Variants in OTOF observed in about 807,000 individuals in gnomAD.
The protein encoded by OTOF is otoferlin.
A neutral mutation model predicts 236.8 loss-of-function variants in OTOF; 218 were observed. The ratio of observed to expected loss-of-function variants is 0.92; its 90% CI spans 0.82 to 1.03. OTOF has a LOEUF of 1.03. Among genes scored for constraint, OTOF ranks in the 50% least tolerant of loss-of-function variants. The pLI is 0.00. For missense variants in OTOF, 2,590 were observed against 2,694.4 expected, an observed-to-expected ratio of 0.96 and a Z score of 0.86; for synonymous variants, 1,041 against 1,072.5, an observed-to-expected ratio of 0.97 and a Z score of 0.57.
intron 3 of OTOF, among the ~76,000 whole-genome samples, chr2:26,523,150 T>A (rs987921037): frequency 2.6e-5 from 4 of 152,252 alleles, no homozygotes; most frequent in African/African-American, 9.6e-5. Context: ...GTCCCTGGCA[T>A]CCTTAGCAGG....
At chr2:26,504,592 A>G (rs1392592261) in intron 5 of OTOF, among the ~76,000 whole-genome samples, 1 of 151,768 alleles carries the variant, frequency 6.6e-6, no homozygotes, top group African/African-American at 2.4e-5. Flanking sequence ...CATAGTTCCT[A>G]CCTCTTCCTC....
Position 26,539,590 on chromosome 2 carries a change from C to T in OTOF, c.80-1816G>A, listed in dbSNP as rs1303090552. 2.6e-5 allele frequency among the ~76,000 whole-genome samples: 4 copies of T among 152,256 alleles called. No individual in the cohort carries two copies. The East Asian group carries it at 7.8e-4, about 30-fold the overall frequency. ...GTCTCTACTAAAAATACAAAAATAGCTGGGTGTGGTGGCACATGCCTGTAA... is the reference window on the plus strand; with the variant it reads ...GTCTCTACTAAAAATACAAAAATAGTTGGGTGTGGTGGCACATGCCTGTAA... On this transcript the variant is annotated intron_variant, in intron 1 of 46. Transcript: ENST00000272371.
At chr2:26,508,367 T>C (rs1034323181) in intron 5 of OTOF, among the ~76,000 whole-genome samples, 3 of 152,254 alleles carry the variant, frequency 2.0e-5, no homozygotes, top group African/African-American at 7.2e-5. Context: ...ACAGGTGTCT[T>C]TGAAAGTGTG....
intron 1 of OTOF, among the ~76,000 whole-genome samples, chr2:26,552,371 C>A (rs961577907): frequency 6.6e-6 from 1 of 151,896 alleles, no homozygotes; most frequent in African/African-American, 2.4e-5. Flanking sequence ...GCGTGGGCGA[C>A]AGAAAAAAGA....
intron 2 of OTOF, among the ~76,000 whole-genome samples, chr2:26,537,387 A>G (rs1478739955): frequency 1.3e-5 from 2 of 152,180 alleles, no homozygotes; most frequent in African/African-American, 4.8e-5. Context: ...GGTGGCTCAC[A>G]TTCAGGTCTA....
Position 26,472,668 on chromosome 2 carries a change from GGACA to G in OTOF, c.3734-23_3734-20del, listed in dbSNP as rs753667982. ...AGCCTGACTGGACAGATGGATAGAT[GGACA>G]GACAGGCAGAGGAAGGAGCAAGAGG... On this transcript the variant is annotated intron_variant, in intron 29 of 46. Coordinates refer to ENST00000272371, the MANE Select transcript of OTOF (RefSeq NM_194248.3). 7.4e-6 allele frequency: 12 copies of G among 1,611,696 alleles called. No homozygotes were observed. The highest frequency in any genetic ancestry group is 1.0e-5 in the Non-Finnish European group (12 of 1,179,416).
chr2:26,461,011 C>G lies in OTOF; in HGVS notation c.5553G>C (p.Leu1851=), dbSNP rs747844017. 54 of 1,583,348 alleles carry G rather than the reference C, an allele frequency of 3.4e-5. No homozygotes were observed. The highest frequency in any genetic ancestry group is 1.7e-4 in the Middle Eastern group (1 of 5,926). ...TCTTTGCGCCCCGCGGGAACCGGTT[C>G]AGGTCCAGCTCGATGGCCCCTGTGG... ...DDFLGAIELD[L]NRFPRGAKTA... Residue 1851 remains leucine (L), a synonymous_variant, in exon 44 of 47, where the codon CTG becomes CTC. Transcript: ENST00000272371. This position sits in a 1 kb window ranked among gnomAD's most constrained non-coding sequence, Gnocchi z 6.2.
chr2:26,464,846 G>A (rs200788386), intron 39 of OTOF, 23 bp downstream of exon 39: 19 of 1,597,420 alleles, frequency 1.2e-5, no homozygotes, highest in Middle Eastern at 3.4e-4. Context: ...GGGGGCAGGC[G>A]GCTGCATCCA....
At chr2:26,465,391 G>A (rs1403595595) in intron 38 of OTOF, among the ~76,000 whole-genome samples, 3 of 152,172 alleles carry the variant, frequency 2.0e-5, no homozygotes, top group Non-Finnish European at 4.4e-5. Context: ...GATCCCCAGG[G>A]GACTCTTTCT....
In OTOF at chr2:26,470,692, C is replaced by G. The variant is rs759041936; in HGVS notation, c.3924G>C (p.Lys1308Asn). 6.2e-7 allele frequency: 1 copy of G among 1,613,858 alleles called. No homozygotes were observed. Among genetic ancestry groups the G allele is most frequent in the Non-Finnish European group, 8.5e-7 (1 of 1,179,966 alleles). Residue 1308 changes from lysine (K) to asparagine (N), a missense_variant, in exon 32 of 47, where the codon AAG becomes AAC. Transcript: ENST00000272371. The surrounding 1 kb of genome is among the most constrained non-coding windows in gnomAD (Gnocchi z 4.3). Reference protein sequence around the residue: ...VAEEEKEKKKKKKGTAEEPEE... With the variant: ...VAEEEKEKKKNKKGTAEEPEE... ...CTGGCTCCTCCGCAGTGCCCTTCTT[C>G]TTCTTCTTCTTCTCCTTCTCCTCCT...
Position 26,470,150 on chromosome 2 carries a change from C to T in OTOF, c.4023+443G>A, listed in dbSNP as rs1254878656. The stretch of plus-strand genomic sequence containing the variant: ...CCTTATGGCCTCTGAGAACATGTTT[C>T]TCCTTTTCCACAAAGGTCACCTCCT... On this transcript the variant is annotated intron_variant, in intron 32 of 46. Transcript: ENST00000272371. This position sits in a 1 kb window ranked among gnomAD's most constrained non-coding sequence, Gnocchi z 4.3. 6.6e-6 allele frequency among the ~76,000 whole-genome samples: 1 copy of T among 152,288 alleles called. No individual in the cohort carries two copies. The highest frequency in any genetic ancestry group is 1.9e-4 in the East Asian group (1 of 5,174).
intron 39 of OTOF, among the ~76,000 whole-genome samples, chr2:26,464,583 T>A (rs1664637752): frequency 6.6e-6 from 1 of 151,950 alleles, no homozygotes; most frequent in Admixed American, 6.6e-5. Flanking sequence ...AGAAGTAGGA[T>A]CTTGGTTTGT....
In OTOF at chr2:26,479,729, C is replaced by T. The variant is rs1024852695; in HGVS notation, c.1913-76G>A. ...CTCCCACCGTCCAATCCGGTGCTGC[C>T]TTGGGTTTGGGAAAGGGGAGAGGGA... On this transcript the variant is annotated intron_variant, in intron 16 of 46. Transcript: ENST00000272371. The T allele has an allele frequency of 1.9e-5, 28 of 1,482,868 alleles. No individual in the cohort carries two copies. The East Asian group carries it at 6.4e-4, about 34-fold the overall frequency. The allele number at this position is 1,482,868 out of a possible 1,614,324, so 91.9% of individuals were successfully genotyped here.
rs551235995 is a variant in OTOF, at chr2:26,557,062, G to A, written c.79+1431C>T. ...TCCCTCTCCCTCCTGCCTAACCTCC[G>A]CCTGCCGGCAGGGCCACTGCCATCA... On this transcript the variant is annotated intron_variant, in intron 1 of 46. Coordinates refer to ENST00000272371, the MANE Select transcript of OTOF (RefSeq NM_194248.3). 6.0e-4 allele frequency among the ~76,000 whole-genome samples: 91 copies of A among 152,224 alleles called. 1 individual carries two copies. The highest frequency in any genetic ancestry group is 1.5e-3 in the East Asian group (8 of 5,180).
chr2:26,551,391 G>C (rs535531866), intron 1 of OTOF, among the ~76,000 whole-genome samples: 2 of 152,272 alleles, frequency 1.3e-5, no homozygotes, highest in South Asian at 2.1e-4. Flanking sequence ...ACTCACTTCC[G>C]GGCTCTAGGG....
At chr2:26,529,207 C>CTTTGGG in intron 2 of OTOF, among the ~76,000 whole-genome samples, 1 of 152,184 alleles carries the variant, frequency 6.6e-6, no homozygotes, top group South Asian at 2.1e-4. Context: ...CAGGACCAGA[C>CTTTGGG]AACGCTGAGG....
At chr2:26,485,122 C>G (rs1325408016) in intron 11 of OTOF, among the ~76,000 whole-genome samples, 1 of 152,230 alleles carries the variant, frequency 6.6e-6, no homozygotes, top group Admixed American at 6.5e-5. Context: ...CTGCTGAGCC[C>G]ACCCAGCCCT....
At chr2:26,468,232 G>C (rs1664824345) in intron 33 of OTOF, among the ~76,000 whole-genome samples, 176 bp downstream of exon 33, 1 of 152,168 alleles carries the variant, frequency 6.6e-6, no homozygotes, top group African/African-American at 2.4e-5. Flanking sequence ...AAGCCTCCCT[G>C]GACAAGGGCC....
Position 26,464,044 on chromosome 2 carries a change from G to A in OTOF, c.5023C>T (p.Pro1675Ser), listed in dbSNP as rs537308782. The A allele has an allele frequency of 1.7e-5, 28 of 1,613,740 alleles. No individual in the cohort carries two copies. The highest frequency in any genetic ancestry group is 2.3e-5 in the Non-Finnish European group (27 of 1,180,020). ...LLALRHWEDI[P>S]RAGCRLVPEH... is the part of the protein sequence containing the mutation. ...GGCACCAGGCGGCAGCCTGCGCGGG[G>A]GATGTCCTCCCAGTGCCTCAGGGCC... Residue 1675 changes from proline (P) to serine (S), a missense_variant, in exon 40 of 47, where the codon CCC becomes TCC. Physicochemically the swap from Pro to Ser is moderately conservative, Grantham distance 74 (BLOSUM62 -1). Coordinates refer to ENST00000272371, the MANE Select transcript of OTOF (RefSeq NM_194248.3).
Sources: allele counts gnomAD v4.1 joint callset (sites outside exome capture counted in the v4.1 genomes callset), GRCh38; gene constraint gnomAD v4.1.1; non-coding constraint Gnocchi (gnomAD v3.1); transcripts MANE v1.5; gene names NCBI Gene and HGNC (gene_info 2026-07-23, HGNC 2026-07-21).